TBC1D1: variants seen among roughly 807,000 people sequenced by gnomAD.
TBC1D1 encodes the protein TBC1 domain family member 1.
Under a neutral mutation model 125.6 loss-of-function variants are expected in TBC1D1, and 89 were observed. The observed-to-expected ratio is 0.71, with a 90% CI of 0.60 to 0.85. The LOEUF (loss-of-function observed/expected upper bound fraction) is 0.85, where lower values mean the gene tolerates loss of function less well. Ranked by LOEUF, TBC1D1 falls within the 40% of genes least tolerant of loss-of-function variation. The pLI is 0.00. For missense variants in TBC1D1, 1,377 were observed against 1,469.2 expected (o/e 0.94, Z 1.03); for synonymous variants, 565 against 564.1 (o/e 1.00, Z -0.02).
intron 12 of TBC1D1, among the ~76,000 whole-genome samples, chr4:38,065,121 A>T (rs752092535): frequency 6.6e-6 from 1 of 152,050 alleles, no homozygotes; most frequent in Non-Finnish European, 1.5e-5. Flanking sequence ...ATTTTTTAAT[A>T]GAGACGGAGT....
intron 1 of TBC1D1, among the ~76,000 whole-genome samples, chr4:37,897,259 G>A (rs1374693798): frequency 2.6e-5 from 4 of 152,114 alleles, no homozygotes; most frequent in African/African-American, 9.7e-5. Flanking sequence ...GGCAAAAATT[G>A]CAGTTACTTT....
chr4:38,089,918 G>A lies in TBC1D1; in HGVS notation c.2051-14G>A, dbSNP rs200243914. The A allele has an allele frequency of 1.2e-4, 187 of 1,549,004 alleles. 1 individual carries two copies. In the South Asian group the frequency reaches 1.9e-3, roughly 16 times the overall value. ...TGAAAAATGACAATTCTGGAATGCC[G>A]TCTCCCTTTCCAGATTATTCAGAGC... On this transcript the variant is annotated splice_polypyrimidine_tract_variant and intron_variant, in intron 12 of 19. Coordinates refer to ENST00000261439, the MANE Select transcript of TBC1D1 (RefSeq NM_015173.4).
chr4:37,943,733 C>T (rs1377442762), intron 2 of TBC1D1, among the ~76,000 whole-genome samples: 1 of 152,206 alleles, frequency 6.6e-6, no homozygotes, highest in African/African-American at 2.4e-5. Context: ...GTTAGCCATT[C>T]ATCTAATCTT....
At chr4:38,081,298 G>A (rs938784432) in intron 12 of TBC1D1, among the ~76,000 whole-genome samples, 2 of 152,164 alleles carry the variant, frequency 1.3e-5, no homozygotes, top group African/African-American at 2.4e-5. Flanking sequence ...GGCAGGTGCA[G>A]CAGGAGGAAG....
At chr4:37,931,284 A>G (rs1427350867) in intron 2 of TBC1D1, among the ~76,000 whole-genome samples, 2 of 151,778 alleles carry the variant, frequency 1.3e-5, no homozygotes, top group Non-Finnish European at 2.9e-5. Flanking sequence ...TCTAGTAGAG[A>G]CAGGGTTTTG....
At chr4:37,899,375 T>C (rs1057427849) in intron 1 of TBC1D1, among the ~76,000 whole-genome samples, 36 of 152,238 alleles carry the variant, frequency 2.4e-4, no homozygotes, top group African/African-American at 8.4e-4. Flanking sequence ...TTTAATGGCC[T>C]ATATGGATCT....
intron 2 of TBC1D1, among the ~76,000 whole-genome samples, chr4:37,986,681 A>G (rs1735535869): frequency 6.6e-6 from 1 of 152,106 alleles, no homozygotes; most frequent in Non-Finnish European, 1.5e-5. Flanking sequence ...CCTGACCTCA[A>G]GTGATCTGCC....
At chr4:38,036,541 C>A (rs1296311447) in intron 8 of TBC1D1, among the ~76,000 whole-genome samples, 1 of 152,196 alleles carries the variant, frequency 6.6e-6, no homozygotes, top group Non-Finnish European at 1.5e-5. Flanking sequence ...TCCCCACGTA[C>A]GTGTTCCAAA....
At chr4:38,018,547 T>G (rs938940601) in intron 4 of TBC1D1, 104 bp downstream of exon 4, 1 of 705,456 alleles carries the variant, frequency 1.4e-6, no homozygotes, top group Admixed American at 3.1e-5. Flanking sequence ...GGTGTATGTT[T>G]TCTAAGTACT....
chr4:37,902,019 T>C lies in TBC1D1; in HGVS notation c.-77T>C, dbSNP rs931240142. On this transcript the variant is annotated 5_prime_UTR_variant, in exon 2 of 20. Coordinates refer to ENST00000261439, the MANE Select transcript of TBC1D1 (RefSeq NM_015173.4). ...CTCCCCCAGGTTTCTGCATATGAAG[T>C]GTGTAAAATAGATTGCTTGATCCAA... is the stretch of plus-strand genomic sequence containing the variant. 1 of 1,409,588 alleles carries C rather than the reference T, an allele frequency of 7.1e-7. No individual in the cohort carries two copies. Among genetic ancestry groups the C allele is most frequent in the Non-Finnish European group, 9.6e-7 (1 of 1,042,172 alleles). The allele number at this position is 1,409,588 out of a possible 1,614,324, so 87.3% of individuals were successfully genotyped here.
intron 2 of TBC1D1, among the ~76,000 whole-genome samples, chr4:37,966,914 T>C (rs1007123225): frequency 2.6e-5 from 4 of 152,224 alleles, no homozygotes; most frequent in African/African-American, 9.6e-5. Context: ...ACCTGAAGAT[T>C]ACACTGAGTT....
intron 2 of TBC1D1, chr4:37,960,620 G>T (rs1172852898): frequency 2.5e-6 from 4 of 1,614,024 alleles, no homozygotes; most frequent in African/African-American, 1.3e-5. Flanking sequence ...CTACCAGAAA[G>T]GCTTTGGGCA....
chr4:37,962,529 A>G (rs1730253042), intron 2 of TBC1D1, among the ~76,000 whole-genome samples: 1 of 152,320 alleles, frequency 6.6e-6, no homozygotes, highest in East Asian at 1.9e-4. Context: ...TAAATTTCTA[A>G]ATGTTTACTG....
intron 15 of TBC1D1, among the ~76,000 whole-genome samples, chr4:38,111,296 G>A (rs913848388): frequency 2.6e-5 from 4 of 152,176 alleles, no homozygotes; most frequent in African/African-American, 9.7e-5. Context: ...TGTTAGCCTA[G>A]AACAGCCATT....
Position 38,049,278 on chromosome 4 carries a change from A to G in TBC1D1, c.1630-340A>G, listed in dbSNP as rs191313066. Reference sequence around the variant, plus strand: ...AAGCAGTGGAGACAAGTTCTCCAGCACTCACACCCCTTAGAAGCTGCAGTA... The same window carrying G: ...AAGCAGTGGAGACAAGTTCTCCAGCGCTCACACCCCTTAGAAGCTGCAGTA... On this transcript the variant is annotated intron_variant, in intron 10 of 19. Transcript: ENST00000261439. 1.5e-3 allele frequency among the ~76,000 whole-genome samples: 221 copies of G among 152,290 alleles called. 5 individuals are homozygous for G. In the East Asian group the frequency reaches 0.04, roughly 27 times the overall value.
chr4:38,119,516 TA>T (rs397773449), intron 17 of TBC1D1, among the ~76,000 whole-genome samples: 6,558 of 143,928 alleles, frequency 0.046, 265 homozygotes, highest in African/African-American at 0.11. Context: ...ATACCATGGT[TA>T]AAAAAAAAAA....
intron 2 of TBC1D1, among the ~76,000 whole-genome samples, chr4:37,913,494 G>A (rs141019183): frequency 1.3e-5 from 2 of 151,950 alleles, no homozygotes; most frequent in African/African-American, 4.8e-5. Context: ...AGCTACTCAG[G>A]AGGCTGAGGC....
At chr4:38,031,353 G>A (rs1427386369) in intron 7 of TBC1D1, among the ~76,000 whole-genome samples, 1 of 152,222 alleles carries the variant, frequency 6.6e-6, no homozygotes, top group Non-Finnish European at 1.5e-5. Flanking sequence ...ATGGTCAGAA[G>A]AGACTCTTTT....
chr4:37,922,897 G>C (rs899556933), intron 2 of TBC1D1, among the ~76,000 whole-genome samples: 4 of 152,198 alleles, frequency 2.6e-5, no homozygotes, highest in African/African-American at 9.6e-5. Flanking sequence ...GCTGCTGCCT[G>C]TGTGAACGAA....
Sources: gnomAD v4.1 joint callset for allele counts (sites outside exome capture counted in the v4.1 genomes callset) on GRCh38, gnomAD v4.1.1 for gene constraint, MANE v1.5 for transcripts, NCBI Gene and HGNC (gene_info 2026-07-23, HGNC 2026-07-21) for gene names.